MYRIP: variants seen among roughly 807,000 people sequenced by gnomAD.
The protein encoded by MYRIP is rab effector MyRIP.
MYRIP carries 49 observed loss-of-function variants against 98.0 expected under a neutral mutation model. The ratio of observed to expected loss-of-function variants is 0.50; its 90% CI spans 0.40 to 0.63. The LOEUF (loss-of-function observed/expected upper bound fraction) is 0.63, where lower values mean the gene tolerates loss of function less well. Ranked by LOEUF, MYRIP falls within the 30% of genes least tolerant of loss-of-function variation. MYRIP has a pLI of 0.00. For synonymous variants in MYRIP, 404 were observed against 409.5 expected (o/e 0.99, Z 0.16); for missense variants, 1,004 against 1,058.2 (o/e 0.95, Z 0.71).
Position 39,886,977 on chromosome 3 carries a change from A to T in MYRIP, c.-30-13810A>T, listed in dbSNP as rs569379663. ...CAGCAAATGTAAAAGAACAGAAATT[A>T]TAACAAACTGTCTCTCAGACCACAG... On this transcript the variant is annotated intron_variant, in intron 1 of 16. Transcript: ENST00000302541. Among the ~76,000 whole-genome samples the T allele has an allele frequency of 9.0e-3, 1,375 of 152,068 alleles. 22 individuals carry two copies. Among genetic ancestry groups the T allele is most frequent in the African/African-American group, 0.031 (1,301 of 41,486 alleles).
In MYRIP at chr3:40,037,143, C is replaced by T. The variant is rs180973022; in HGVS notation, c.111-6907C>T. Among the ~76,000 whole-genome samples, 696 of 151,444 alleles carry T rather than the reference C, an allele frequency of 4.6e-3. 9 individuals are homozygous for T. The highest frequency in any genetic ancestry group is 6.6e-3 in the Admixed American group (101 of 15,246). ...AATTTCAATATAAATGTATGTCTTG[C>T]TCTCAGTGAATCTGCATTTTTGCAT... On this transcript the variant is annotated intron_variant, in intron 2 of 16. Coordinates refer to ENST00000302541, the MANE Select transcript of MYRIP (RefSeq NM_015460.4).
At chr3:39,946,009 C>CAAA (rs5848543) in intron 2 of MYRIP, among the ~76,000 whole-genome samples, 1 of 149,352 alleles carries the variant, frequency 6.7e-6, no homozygotes, top group African/African-American at 2.5e-5. Flanking sequence ...AGGTAATGGC[C>CAAA]AAAAAAAAAG....
At chr3:39,929,680 C>A (rs551167643) in intron 2 of MYRIP, among the ~76,000 whole-genome samples, 2 of 152,136 alleles carry the variant, frequency 1.3e-5, no homozygotes, top group Admixed American at 6.5e-5. Flanking sequence ...CAAGGTTGTT[C>A]AAATATTATC....
At chr3:40,037,263 A>G (rs1947404468) in intron 2 of MYRIP, among the ~76,000 whole-genome samples, 1 of 152,094 alleles carries the variant, frequency 6.6e-6, no homozygotes, top group African/African-American at 2.4e-5. Context: ...TTTGTCCCGT[A>G]CCTGTGAAGA....
chr3:39,930,232 T>C (rs77956296), intron 2 of MYRIP, among the ~76,000 whole-genome samples: 5,694 of 152,138 alleles, frequency 0.037, 201 homozygotes, highest in South Asian at 0.13. Flanking sequence ...TCCTGTCTTT[T>C]TGAGCACAGC....
At chr3:39,856,316 A>C (rs750764805) in intron 1 of MYRIP, among the ~76,000 whole-genome samples, 2 of 151,286 alleles carry the variant, frequency 1.3e-5, no homozygotes, top group Non-Finnish European at 2.9e-5. Flanking sequence ...CTGTTCATAC[A>C]TGTGGGAGCT....
rs1251797307 is a variant in MYRIP at position 40,204,195 on chromosome 3, T to TA, written c.1666-5659_1666-5658insA. Among the ~76,000 whole-genome samples, 137 of 30,680 alleles carry TA rather than the reference T, an allele frequency of 4.5e-3. 4 individuals are homozygous for TA. Among genetic ancestry groups the TA allele is most frequent in the African/African-American group, 0.011 (111 of 10,188 alleles). The allele number at this position is 30,680 out of a possible 152,430, so 20.1% of individuals were successfully genotyped here. On this transcript the variant is annotated intron_variant, in intron 10 of 16. Transcript: ENST00000302541. ...TTATATATTATATAATATATAAATA[T>TA]TATATTATATATTTATATATTATAT...
intron 1 of MYRIP, among the ~76,000 whole-genome samples, chr3:39,833,256 T>C (rs921516719): frequency 1.3e-5 from 2 of 152,200 alleles, no homozygotes; most frequent in South Asian, 2.1e-4. Flanking sequence ...TTTTCTTTTA[T>C]AGCATGTAAT....
At position 40,246,997 on chromosome 3, in the gene MYRIP, C is replaced by T. The variant is rs554915162; in HGVS notation, c.2262+2390C>T. Among the ~76,000 whole-genome samples the T allele has an allele frequency of 4.0e-4, 61 of 152,076 alleles. 1 individual carries two copies. The highest frequency in any genetic ancestry group is 8.1e-4 in the Non-Finnish European group (55 of 68,030). ...AAAAATTATTTTCCATAAATTTCAC[C>T]CAAGACTTAATCAATTTATTGTCAA... On this transcript the variant is annotated intron_variant, in intron 13 of 16. Transcript: ENST00000302541.
intron 2 of MYRIP, among the ~76,000 whole-genome samples, chr3:39,999,945 A>G (rs1367502698): frequency 3.3e-5 from 5 of 149,358 alleles, no homozygotes; most frequent in Admixed American, 1.3e-4. Flanking sequence ...CAAACACTGC[A>G]TGTTCTCACT....
intron 3 of MYRIP, among the ~76,000 whole-genome samples, chr3:40,128,609 A>C (rs1011613738): frequency 3.3e-5 from 5 of 152,234 alleles, no homozygotes; most frequent in Non-Finnish European, 7.3e-5. Context: ...GGTTGGCGAC[A>C]CCTGGATTCC....
rs13091424 is a variant in MYRIP, at chr3:39,985,490, G to A, written c.111-58560G>A. Reference sequence around the variant, plus strand: ...TTCATATGGAACCAAAAAAGAGCCCGCATCGCCAAGTCAATCCTAAGCCAA... The same window carrying A: ...TTCATATGGAACCAAAAAAGAGCCCACATCGCCAAGTCAATCCTAAGCCAA... On this transcript the variant is annotated intron_variant, in intron 2 of 16. Transcript: ENST00000302541. Among the ~76,000 whole-genome samples the A allele has an allele frequency of 8.7e-5, 11 of 127,124 alleles. No homozygotes were observed. In the East Asian group the frequency reaches 1.5e-3, roughly 18 times the overall value. The allele number at this position is 127,124 out of a possible 152,430, so 83.4% of individuals were successfully genotyped here. A position where few individuals can be genotyped will look rare whatever the true frequency, so the allele number is the denominator to read the frequency against.
chr3:40,187,493 C>G (rs1025060415), intron 9 of MYRIP, among the ~76,000 whole-genome samples: 1 of 152,240 alleles, frequency 6.6e-6, no homozygotes, highest in Non-Finnish European at 1.5e-5. Context: ...CAAGCATCCC[C>G]TCGTGCAGTC....
chr3:40,027,035 C>G (rs1226028929), intron 2 of MYRIP, among the ~76,000 whole-genome samples: 1 of 152,132 alleles, frequency 6.6e-6, no homozygotes, highest in Non-Finnish European at 1.5e-5. Flanking sequence ...TTAGCTGGCC[C>G]AGCCCTTCCT....
chr3:40,049,796 A>G (rs1250193917), intron 3 of MYRIP, among the ~76,000 whole-genome samples: 1 of 152,192 alleles, frequency 6.6e-6, no homozygotes, highest in Non-Finnish European at 1.5e-5. Flanking sequence ...GAAGGAAGTT[A>G]AAAGTGCTAC....
chr3:39,964,080 T>C (rs1945384861), intron 2 of MYRIP, among the ~76,000 whole-genome samples: 2 of 152,262 alleles, frequency 1.3e-5, no homozygotes, highest in South Asian at 2.1e-4. Flanking sequence ...TCCTTTCTTA[T>C]TTTAGTGCCT....
At chr3:39,984,871 C>T (rs1354551588) in intron 2 of MYRIP, among the ~76,000 whole-genome samples, 3 of 151,800 alleles carry the variant, frequency 2.0e-5, no homozygotes, top group Non-Finnish European at 4.4e-5. Context: ...TATTTCTCCA[C>T]ATCCTCTCCA....
chr3:40,173,038 C>T (rs1413427554), intron 8 of MYRIP: 2 of 152,128 alleles, frequency 1.3e-5, no homozygotes, highest in Non-Finnish European at 2.9e-5. Flanking sequence ...ATGTAAATCC[C>T]GTGAACAGAG....
At chr3:39,945,871 T>C (rs1391959586) in intron 2 of MYRIP, among the ~76,000 whole-genome samples, 1 of 152,136 alleles carries the variant, frequency 6.6e-6, no homozygotes, top group Non-Finnish European at 1.5e-5. Context: ...ATTCTGAGTA[T>C]AAAGGCTATG....
Sources: gnomAD v4.1 joint callset for allele counts (sites outside exome capture counted in the v4.1 genomes callset) on GRCh38, gnomAD v4.1.1 for gene constraint, MANE v1.5 for transcripts, NCBI Gene and HGNC (gene_info 2026-07-23, HGNC 2026-07-21) for gene names.